HPSE2: variants seen among roughly 807,000 people sequenced by gnomAD.
HPSE2 encodes the protein inactive heparanase-2.
Under a neutral mutation model 60.5 loss-of-function variants are expected in HPSE2, and 38 were observed. The observed-to-expected ratio is 0.63, with a 90% confidence interval of 0.48 to 0.82. The LOEUF (loss-of-function observed/expected upper bound fraction) is 0.82, where lower values mean the gene tolerates loss of function less well. HPSE2 is among the 40% of genes least tolerant of loss of function. The probability of loss-of-function intolerance (pLI) is 0.00; values close to 1 mark genes in which losing one functional copy is unlikely to be tolerated. For missense variants in HPSE2, 713 were observed against 740.4 expected (o/e 0.96, Z 0.43); for synonymous variants, 295 against 293.2 (o/e 1.01, Z -0.06).
intron 3 of HPSE2, among the ~76,000 whole-genome samples, chr10:98,763,449 C>T (rs981754813): frequency 1.3e-5 from 2 of 151,848 alleles, no homozygotes; most frequent in African/African-American, 4.8e-5. Context: ...GAAAAAAAAT[C>T]TTGAAAATAG....
intron 3 of HPSE2, among the ~76,000 whole-genome samples, chr10:98,767,912 T>C (rs181052101): frequency 6.7e-6 from 1 of 148,390 alleles, no homozygotes. Context: ...AAGCATATAA[T>C]ATATTAAACT....
At chr10:98,462,785 T>C (rs1940353654) in intron 11 of HPSE2, among the ~76,000 whole-genome samples, 1 of 152,166 alleles carries the variant, frequency 6.6e-6, no homozygotes, top group South Asian at 2.1e-4. Context: ...TTGCTGCTGC[T>C]CTCACCCTTG....
chr10:98,580,836 A>ATATATATATATATATATATATGTGTG, intron 9 of HPSE2, among the ~76,000 whole-genome samples: 1 of 119,530 alleles, frequency 8.4e-6, no homozygotes, highest in African/African-American at 3.6e-5. Flanking sequence ...ATATATATAT[A>ATATATATATATATATATATATGTGTG]TGTGTGTGTG....
chr10:98,566,424 T>C (rs1944346732), intron 9 of HPSE2, among the ~76,000 whole-genome samples: 1 of 152,194 alleles, frequency 6.6e-6, no homozygotes, highest in Non-Finnish European at 1.5e-5. Context: ...TGGCCACCAT[T>C]GCACATGCAC....
intron 9 of HPSE2, among the ~76,000 whole-genome samples, chr10:98,513,311 G>C (rs1037787278): frequency 5.3e-5 from 8 of 152,300 alleles, no homozygotes; most frequent in Non-Finnish European, 1.0e-4. Flanking sequence ...ACCCAGATGT[G>C]AGTAATAGTG....
the HPSE2 span, among the ~76,000 whole-genome samples, chr10:99,244,005 T>C: frequency 2.0e-5 from 3 of 152,112 alleles, no homozygotes; most frequent in Non-Finnish European, 4.4e-5. Flanking sequence ...TTGCCTGTAA[T>C]ACAATTGTGT....
intron 3 of HPSE2, among the ~76,000 whole-genome samples, chr10:98,796,307 T>C (rs1950778263): frequency 6.6e-6 from 1 of 151,964 alleles, no homozygotes; most frequent in Admixed American, 6.6e-5. Context: ...CCTGAAGAGT[T>C]AGTCCCAGGC....
At chr10:99,203,310 A>T (rs2133889761) in intron 2 of HPSE2, among the ~76,000 whole-genome samples, 1 of 152,214 alleles carries the variant, frequency 6.6e-6, no homozygotes. Context: ...CCTAGTCACG[A>T]GCCAGCACCC....
chr10:98,589,178 G>C (rs1357853016), intron 9 of HPSE2, among the ~76,000 whole-genome samples: 1 of 152,210 alleles, frequency 6.6e-6, no homozygotes, highest in Non-Finnish European at 1.5e-5. Context: ...TGACACAGCA[G>C]GATTGGAACT....
chr10:99,076,492 A>G (rs1354620703), intron 3 of HPSE2, among the ~76,000 whole-genome samples: 2 of 152,158 alleles, frequency 1.3e-5, no homozygotes, highest in Non-Finnish European at 2.9e-5. Context: ...TGCTCAAGCA[A>G]TTCTGGTTCC....
At chr10:98,920,826 G>A (rs1194645965) in intron 3 of HPSE2, among the ~76,000 whole-genome samples, 1 of 152,158 alleles carries the variant, frequency 6.6e-6, no homozygotes, top group Non-Finnish European at 1.5e-5. Context: ...TTGAGCTCCA[G>A]GGGCACAAGC....
At chr10:99,201,641 C>T (rs923779777) in intron 2 of HPSE2, among the ~76,000 whole-genome samples, 5 of 152,098 alleles carry the variant, frequency 3.3e-5, no homozygotes, top group African/African-American at 1.2e-4. Flanking sequence ...CCCAATGACA[C>T]ATTATTATTA....
chr10:99,293,659 T>C, the HPSE2 span, among the ~76,000 whole-genome samples: 1 of 152,176 alleles, frequency 6.6e-6, no homozygotes, highest in South Asian at 2.1e-4. Context: ...GCGAAGCTTT[T>C]CTTAATCTTT....
intron 3 of HPSE2, among the ~76,000 whole-genome samples, chr10:98,858,341 A>C (rs1277467567): frequency 2.6e-5 from 4 of 152,186 alleles, no homozygotes; most frequent in African/African-American, 7.2e-5. Context: ...ACAAAAACAA[A>C]ACCCCTGTGA....
At chr10:99,096,955 C>A (rs539654693) in intron 3 of HPSE2, among the ~76,000 whole-genome samples, 4 of 152,254 alleles carry the variant, frequency 2.6e-5, no homozygotes, top group Admixed American at 1.3e-4. Flanking sequence ...TAAAGCCATG[C>A]CAGACAGGGT....
chr10:99,072,630 A>C (rs1842829150), intron 3 of HPSE2, among the ~76,000 whole-genome samples: 1 of 152,202 alleles, frequency 6.6e-6, no homozygotes, highest in African/African-American at 2.4e-5. Flanking sequence ...CAGAATGGCA[A>C]TTATAAAAAA....
chr10:98,663,738 G>A (rs567298497), intron 6 of HPSE2, among the ~76,000 whole-genome samples: 1 of 152,284 alleles, frequency 6.6e-6, no homozygotes, highest in East Asian at 1.9e-4. Flanking sequence ...GATACAGAGA[G>A]CCACCCAGAT....
chr10:99,256,519 C>T, the HPSE2 span, among the ~76,000 whole-genome samples: 2 of 149,822 alleles, frequency 1.3e-5, no homozygotes, highest in Non-Finnish European at 3.0e-5. Flanking sequence ...TCCGTTAGCA[C>T]AAAATGGACT....
intron 8 of HPSE2, among the ~76,000 whole-genome samples, chr10:98,615,906 T>A (rs549521110): frequency 1.3e-5 from 2 of 152,196 alleles, no homozygotes; most frequent in African/African-American, 4.8e-5. Context: ...GTCCTAAACA[T>A]GTGTGTGTCC....
Sources: allele counts gnomAD v4.1 joint callset (sites outside exome capture counted in the v4.1 genomes callset), GRCh38; gene constraint gnomAD v4.1.1; transcripts MANE v1.5; gene names NCBI Gene and HGNC (gene_info 2026-07-23, HGNC 2026-07-21).